POLR2M: variants seen among roughly 807,000 people sequenced by gnomAD.
The protein encoded by POLR2M is RNA polymerase II subunit M.
POLR2M carries 30 observed loss-of-function variants against 34.6 expected under a neutral mutation model. That is an observed-to-expected ratio of 0.87 (90% CI 0.65 to 1.18). The LOEUF (loss-of-function observed/expected upper bound fraction) is 1.18. Ranked by LOEUF, POLR2M falls within the 50% of genes most tolerant of loss-of-function variation. The pLI, the probability that POLR2M is intolerant of heterozygous loss-of-function variation, is 0.00. For missense variants in POLR2M, 432 were observed against 448.7 expected (o/e 0.96, Z 0.34); for synonymous variants, 150 against 166.7 (o/e 0.90, Z 0.77).
At position 57,706,885 on chromosome 15, in the gene POLR2M, G is replaced by T. The variant is rs1359364994; in HGVS notation, c.43G>T (p.Asp15Tyr). 11 of 1,597,708 alleles carry T rather than the reference G, an allele frequency of 6.9e-6. No homozygotes were observed. The highest frequency in any genetic ancestry group is 2.3e-5 in the South Asian group (2 of 88,100). The change falls in exon 1 of 4, where the codon GAC (aspartate) becomes TAC (tyrosine). Residue 15 changes from aspartate to tyrosine, a missense_variant. Asp to Tyr is a radical substitution (Grantham distance 160). Coordinates refer to ENST00000299638, the MANE Select transcript of POLR2M (RefSeq NM_015532.5). ...PRGFEPQAPE[D>Y]LAQRSLVELR... is the part of the protein sequence containing the mutation. Reference sequence around the variant, plus strand: ...CGGCTTCGAGCCCCAAGCTCCCGAGGACTTGGCGCAGCGGAGTTTGGTGGA... The same window carrying T: ...CGGCTTCGAGCCCCAAGCTCCCGAGTACTTGGCGCAGCGGAGTTTGGTGGA...
In POLR2M at chr15:57,709,331, C is replaced by T. The variant is rs2040619777; in HGVS notation, c.731C>T (p.Pro244Leu). 1 of 1,613,412 alleles carries T rather than the reference C, an allele frequency of 6.2e-7. No homozygotes were observed. Among genetic ancestry groups the T allele is most frequent in the South Asian group, 1.1e-5 (1 of 91,032 alleles). Residue 244 changes from proline to leucine, a missense_variant, in exon 2 of 4, where the codon CCC becomes CTC. Transcript: ENST00000299638. The stretch of plus-strand genomic sequence containing the variant: ...GAAATGCGAGCCAAAAACCCAGTGC[C>T]CCAGCTGCGTAAATTTAAAACCAAT... Reference protein sequence around the residue: ...VLEMRAKNPVPQLRKFKTNVL... With the variant: ...VLEMRAKNPVLQLRKFKTNVL...
Position 57,709,008 on chromosome 15 carries a change from T to C in POLR2M, c.408T>C (p.Thr136=). 1 of 1,614,034 alleles carries C rather than the reference T, an allele frequency of 6.2e-7. No homozygotes were observed. The highest frequency in any genetic ancestry group is 8.5e-7 in the Non-Finnish European group (1 of 1,179,922). ...AAAACCAGGGACTTGGACGTCCTAC[T>C]CTTGAAGGTGATGAAGAGACTTCAG... ...TSQNQGLGRP[T]LEGDEETSEV... is the part of the protein sequence containing the mutation. The change falls in exon 2 of 4, where the codon ACT becomes ACC. Residue 136 remains threonine (T), a synonymous_variant. Coordinates refer to ENST00000299638, the MANE Select transcript of POLR2M (RefSeq NM_015532.5).
intron 3 of POLR2M, among the ~76,000 whole-genome samples, chr15:57,713,817 CTTCT>C (rs2040832212): frequency 9.0e-6 from 1 of 111,654 alleles, no homozygotes; most frequent in African/African-American, 3.6e-5. Context: ...AGCATTAGTC[CTTCT>C]TTTTTTTTTT....
rs1440930052 is a variant in POLR2M, at chr15:57,708,784, A to G, written c.184A>G (p.Ile62Val). 5 of 1,612,192 alleles carry G rather than the reference A, an allele frequency of 3.1e-6. No homozygotes were observed. Among genetic ancestry groups the G allele is most frequent in the Admixed American group, 1.7e-5 (1 of 59,696 alleles). ...CTCTTTTGCCAAACTGAAAGCTGCC[A>G]TTGCAGAATGTGAAGAAGTTAGAAG... ...FDSFAKLKAA[I>V]AECEEVRRKS... is the part of the protein sequence containing the mutation. The change falls in exon 2 of 4, where the codon ATT becomes GTT. Residue 62 changes from isoleucine (I) to valine (V), a missense_variant. Coordinates refer to ENST00000299638, the MANE Select transcript of POLR2M (RefSeq NM_015532.5).
chr15:57,712,961 T>C (rs189773944), intron 3 of POLR2M, among the ~76,000 whole-genome samples: 1 of 152,306 alleles, frequency 6.6e-6, no homozygotes, highest in Admixed American at 6.5e-5. Flanking sequence ...CAGGTACTAG[T>C]GCACCAACTA....
intron 1 of POLR2M, chr15:57,707,444 A>G (rs764474987): frequency 3.3e-6 from 2 of 605,752 alleles, no homozygotes; most frequent in Non-Finnish European, 6.2e-6. Context: ...GAGCCACGTA[A>G]TAAAAGTGAT....
At chr15:57,707,150 G>C (rs1211951897) in intron 1 of POLR2M, 195 bp downstream of exon 1, 6 of 1,526,256 alleles carry the variant, frequency 3.9e-6, no homozygotes, top group Non-Finnish European at 5.3e-6. Flanking sequence ...AGGCACGTAT[G>C]CCTGCGAGGA....
intron 1 of POLR2M, chr15:57,707,289 C>G: frequency 1.3e-6 from 1 of 791,816 alleles, no homozygotes; most frequent in Non-Finnish European, 2.0e-6. Context: ...CACCCCTAAC[C>G]CATAACAGAT....
rs1159205703 is a variant in POLR2M, at chr15:57,716,700, T to A, written c.*2021T>A. 1.3e-5 allele frequency: 2 copies of A among 152,300 alleles called. No homozygotes were observed. The highest frequency in any genetic ancestry group is 4.8e-5 in the African/African-American group (2 of 41,486). The allele number at this position is 152,300 out of a possible 1,614,324, so 9.4% of individuals were successfully genotyped here. A position where few individuals can be genotyped will look rare whatever the true frequency, so the allele number is the denominator to read the frequency against. ...ATTCATATTTTTTCTGTTGCTTGCT[T>A]GGAGAATTTGCTCTTTTTTTGGCAT... On this transcript the variant is annotated 3_prime_UTR_variant, in exon 4 of 4. Coordinates refer to ENST00000299638, the MANE Select transcript of POLR2M (RefSeq NM_015532.5).
At chr15:57,708,238 C>G (rs539202177) in intron 1 of POLR2M, among the ~76,000 whole-genome samples, 1 of 152,286 alleles carries the variant, frequency 6.6e-6, no homozygotes, top group South Asian at 2.1e-4. Flanking sequence ...ACATTCTATT[C>G]TAGAACAATG....
At chr15:57,711,212 T>C (rs1332049128) in intron 2 of POLR2M, among the ~76,000 whole-genome samples, 1 of 152,210 alleles carries the variant, frequency 6.6e-6, no homozygotes, top group Non-Finnish European at 1.5e-5. Context: ...GACCTACTTA[T>C]TTCTTTGATC....
intron 1 of POLR2M, chr15:57,707,711 A>C: frequency 5.5e-6 from 2 of 361,478 alleles, no homozygotes; most frequent in South Asian, 4.3e-5. Context: ...AATAGATCCA[A>C]GGTTGATTTT....
rs1354790091 is a variant in POLR2M at position 57,709,346 on chromosome 15, T to G, written c.746T>G (p.Phe249Cys). ...AACCCAGTGCCCCAGCTGCGTAAAT[T>G]TAAAACCAATGTGTAAGTACCCTCG... The part of the protein sequence containing the change: ...AKNPVPQLRK[F>C]KTNVLPFRQN... The change falls in exon 2 of 4, where the codon TTT becomes TGT. Residue 249 changes from phenylalanine to cysteine, a missense_variant. Phe to Cys is a radical substitution (Grantham distance 205). Coordinates refer to ENST00000299638, the MANE Select transcript of POLR2M (RefSeq NM_015532.5). 1.2e-6 allele frequency: 2 copies of G among 1,612,604 alleles called. No homozygotes were observed. The highest frequency in any genetic ancestry group is 1.7e-6 in the Non-Finnish European group (2 of 1,179,344).
rs142252471 is a variant in POLR2M at position 57,716,778 on chromosome 15, CTTATT to C, written c.*2101_*2105del. On this transcript the variant is annotated 3_prime_UTR_variant, in exon 4 of 4. Coordinates refer to ENST00000299638, the MANE Select transcript of POLR2M (RefSeq NM_015532.5). ...GTCATATATTGTAACTTTTTTTAGC[CTTATT>C]TGTCATTTAACATAGTTTGTGGTAT... 1 of 134,980 alleles carries C rather than the reference CTTATT, an allele frequency of 7.4e-6. No homozygotes were observed. The highest frequency in any genetic ancestry group is 7.5e-5 in the Admixed American group (1 of 13,362). The allele number at this position is 134,980 out of a possible 1,614,324, so 8.4% of individuals were successfully genotyped here. A position where few individuals can be genotyped will look rare whatever the true frequency, so the allele number is the denominator to read the frequency against.
chr15:57,711,920 A>G, intron 2 of POLR2M, 64 bp from the exon 3 acceptor site: 2 of 1,576,594 alleles, frequency 1.3e-6, no homozygotes, highest in Non-Finnish European at 1.7e-6. Flanking sequence ...ATTTGTGTGA[A>G]TGTTTTAAAT....
chr15:57,708,397 A>G (rs1176932775), intron 1 of POLR2M, among the ~76,000 whole-genome samples: 1 of 152,296 alleles, frequency 6.6e-6, no homozygotes. Context: ...AATTTTGGAG[A>G]TTGCACTTTA....
chr15:57,711,705 C>T (rs2040721280), intron 2 of POLR2M, among the ~76,000 whole-genome samples: 2 of 148,482 alleles, frequency 1.3e-5, no homozygotes, highest in African/African-American at 2.5e-5. Flanking sequence ...TTTCTTTCTA[C>T]TGGGCAATAA....
intron 2 of POLR2M, among the ~76,000 whole-genome samples, chr15:57,710,708 T>G (rs2040674018): frequency 6.6e-6 from 1 of 151,874 alleles, no homozygotes. Context: ...GGGAGAGAGG[T>G]AAGGGAATAG....
intron 2 of POLR2M, among the ~76,000 whole-genome samples, chr15:57,710,501 A>G (rs1257229153): frequency 6.6e-6 from 1 of 152,220 alleles, no homozygotes; most frequent in East Asian, 1.9e-4. Flanking sequence ...TTTTAACCTC[A>G]AAACATTTTA....
Sources: gnomAD v4.1 joint callset for allele counts (sites outside exome capture counted in the v4.1 genomes callset) on GRCh38, gnomAD v4.1.1 for gene constraint, MANE v1.5 for transcripts, NCBI Gene and HGNC (gene_info 2026-07-23, HGNC 2026-07-21) for gene names.